Variants in MDGA2 observed in about 807,000 individuals in gnomAD.
MDGA2 encodes the protein MAM domain-containing glycosylphosphatidylinositol anchor protein 2.
Under a neutral mutation model 117.8 loss-of-function variants are expected in MDGA2, and 40 were observed. That is an observed-to-expected ratio of 0.34 (90% CI 0.26 to 0.44). MDGA2 has a LOEUF of 0.44. MDGA2 is among the 20% of genes least tolerant of loss of function. The probability of loss-of-function intolerance (pLI) is 1.00; values close to 1 mark genes in which losing one functional copy is unlikely to be tolerated. For missense variants in MDGA2, 1,123 were observed against 1,250.6 expected (o/e 0.90, Z 1.54); for synonymous variants, 452 against 439.0 (o/e 1.03, Z -0.37).
chr14:46,929,754 G>A (rs1884495735), intron 9 of MDGA2, among the ~76,000 whole-genome samples: 1 of 146,836 alleles, frequency 6.8e-6, no homozygotes. Flanking sequence ...AGATTCAAGT[G>A]ATTTTCCTAC....
chr14:47,399,699 A>AT, intron 1 of MDGA2, among the ~76,000 whole-genome samples: 1 of 152,170 alleles, frequency 6.6e-6, no homozygotes, highest in Non-Finnish European at 1.5e-5. Context: ...TCAATAATTG[A>AT]TTTTTTAAAG....
Position 47,335,745 on chromosome 14 carries a change from T to TATATATATATACATACATAC in MDGA2, c.281-34196_281-34195insGTATGTATGTATATATATAT. Reference sequence around the variant, plus strand: ...TGCACACATATATTTTATATATATATATACATACATACATACAGGATCACT... The same window carrying TATATATATATACATACATAC: ...TGCACACATATATTTTATATATATATATATATATATACATACATACATACATACATACATACAGGATCACT... On this transcript the variant is annotated intron_variant, in intron 1 of 16. Transcript: ENST00000399232. Among the ~76,000 whole-genome samples, 149 of 95,582 alleles carry TATATATATATACATACATAC rather than the reference T, an allele frequency of 1.6e-3. 4 individuals are homozygous for TATATATATATACATACATAC. Among genetic ancestry groups the TATATATATATACATACATAC allele is most frequent in the Non-Finnish European group, 2.3e-3 (106 of 46,008 alleles). 62.7% of individuals were successfully genotyped at this position (95,582 alleles called of 152,430 possible).
chr14:47,597,779 T>C (rs1896571005), intron 1 of MDGA2, among the ~76,000 whole-genome samples: 1 of 151,680 alleles, frequency 6.6e-6, no homozygotes. Flanking sequence ...TTATAGTTTA[T>C]TTTAGAGAGA....
At chr14:47,315,961 C>A (rs762722404) in intron 1 of MDGA2, among the ~76,000 whole-genome samples, 1 of 151,138 alleles carries the variant, frequency 6.6e-6, no homozygotes, top group Non-Finnish European at 1.5e-5. Flanking sequence ...ACAAAAAAAA[C>A]TTTCCTCTAG....
intron 2 of MDGA2, among the ~76,000 whole-genome samples, chr14:47,262,735 C>T (rs1887838219): frequency 6.6e-6 from 1 of 152,144 alleles, no homozygotes; most frequent in Admixed American, 6.6e-5. Context: ...AATATTTGGC[C>T]TGACAGGCCC....
At chr14:47,004,498 C>A (rs1373792189) in intron 8 of MDGA2, among the ~76,000 whole-genome samples, 1 of 151,738 alleles carries the variant, frequency 6.6e-6, no homozygotes, top group Non-Finnish European at 1.5e-5. Flanking sequence ...GTGTTAGTCA[C>A]CCAACTTTGT....
intron 1 of MDGA2, among the ~76,000 whole-genome samples, chr14:47,625,570 G>T (rs1897125389): frequency 6.6e-6 from 1 of 151,992 alleles, no homozygotes; most frequent in Admixed American, 6.6e-5. Context: ...AATAAAACTG[G>T]CAAATAAAAA....
chr14:46,937,786 ATATAAAAATT>A (rs1378485813), intron 9 of MDGA2, among the ~76,000 whole-genome samples: 1 of 152,172 alleles, frequency 6.6e-6, no homozygotes, highest in African/African-American at 2.4e-5. Context: ...CTCTTACTCT[ATATAAAAATT>A]AATTCCAAAC....
intron 6 of MDGA2, among the ~76,000 whole-genome samples, chr14:47,070,275 C>T (rs1230007208): frequency 2.0e-5 from 3 of 152,090 alleles, no homozygotes; most frequent in Admixed American, 6.5e-5. Flanking sequence ...TTATTTTTTA[C>T]TATAGGCCCC....
chr14:47,332,199 C>T (rs929207978), intron 1 of MDGA2, among the ~76,000 whole-genome samples: 6 of 151,974 alleles, frequency 3.9e-5, no homozygotes, highest in African/African-American at 1.4e-4. Flanking sequence ...ATTGTCTCAG[C>T]TTTCTCAGCT....
chr14:47,585,507 CA>C lies in MDGA2; in HGVS notation c.280+89009del, dbSNP rs567234129. ...TAAGGATTAAATGAGAATACAAACA[CA>C]GGGCTTATAAGAAAGTATGGCGTAC... is the stretch of plus-strand genomic sequence containing the variant. On this transcript the variant is annotated intron_variant, in intron 1 of 16. Coordinates refer to ENST00000399232, the MANE Select transcript of MDGA2 (RefSeq NM_001113498.3). Among the ~76,000 whole-genome samples the C allele has an allele frequency of 9.3e-4, 142 of 151,932 alleles. 1 individual carries two copies. Among genetic ancestry groups the C allele is most frequent in the Non-Finnish European group, 1.0e-3 (69 of 67,876 alleles).
In MDGA2 at chr14:46,925,631, CAAAAA is replaced by C. The variant is rs34889177; in HGVS notation, c.2090-5476_2090-5472del. On this transcript the variant is annotated intron_variant, in intron 9 of 16. Coordinates refer to ENST00000399232, the MANE Select transcript of MDGA2 (RefSeq NM_001113498.3). ...TGGAAGACAAAGCAAGACTCTACCT[CAAAAA>C]AAAAAAAAAAAAAAAAGGAAATAGA... Among the ~76,000 whole-genome samples, 123 of 64,600 alleles carry C rather than the reference CAAAAA, an allele frequency of 1.9e-3. 1 individual carries two copies. Among genetic ancestry groups the C allele is most frequent in the African/African-American group, 6.9e-3 (117 of 16,966 alleles). 42.4% of individuals were successfully genotyped at this position (64,600 alleles called of 152,430 possible).
chr14:47,407,167 G>C (rs542380215), intron 1 of MDGA2, among the ~76,000 whole-genome samples: 1 of 152,050 alleles, frequency 6.6e-6, no homozygotes, highest in Non-Finnish European at 1.5e-5. Flanking sequence ...GTGCATTATA[G>C]GCTAAAACCT....
At chr14:46,842,492 G>C (rs1178110688) in intron 16 of MDGA2, among the ~76,000 whole-genome samples, 2 of 152,114 alleles carry the variant, frequency 1.3e-5, no homozygotes, top group African/African-American at 4.8e-5. Flanking sequence ...GCAACTAGTA[G>C]ATGATCCATG....
At chr14:47,155,350 GGAT>G (rs901283004) in intron 3 of MDGA2, among the ~76,000 whole-genome samples, 3 of 151,936 alleles carry the variant, frequency 2.0e-5, no homozygotes, top group Non-Finnish European at 4.4e-5. Flanking sequence ...GCCACATTGC[GGAT>G]GATGAGAAGA....
At chr14:47,051,218 C>T (rs75445453) in intron 7 of MDGA2, among the ~76,000 whole-genome samples, 2,911 of 151,422 alleles carry the variant, frequency 0.019, 97 homozygotes, top group African/African-American at 0.066. Flanking sequence ...GGTCTATTTC[C>T]TTCTCTATAA....
At chr14:47,175,068 C>G (rs541328405) in intron 3 of MDGA2, among the ~76,000 whole-genome samples, 179 of 151,814 alleles carry the variant, frequency 1.2e-3, no homozygotes, top group African/African-American at 3.8e-3. Context: ...ATAAATTCCT[C>G]GACACATACA....
chr14:47,540,540 G>GTGTGTA lies in MDGA2; in HGVS notation c.280+133976_280+133977insTACACA. On this transcript the variant is annotated intron_variant, in intron 1 of 16. Coordinates refer to ENST00000399232, the MANE Select transcript of MDGA2 (RefSeq NM_001113498.3). The stretch of plus-strand genomic sequence containing the variant: ...TGTATATGTGTGTGTGTGTGTGTGT[G>GTGTGTA]TATATATATATATGTATATATATAC... Among the ~76,000 whole-genome samples, 3,046 of 79,126 alleles carry GTGTGTA rather than the reference G, an allele frequency of 0.038. 356 individuals carry two copies. The East Asian group carries it at 0.48, about 12-fold the overall frequency. 51.9% of individuals were successfully genotyped at this position (79,126 alleles called of 152,430 possible). A position where few individuals can be genotyped will look rare whatever the true frequency, so the allele number is the denominator to read the frequency against.
intron 10 of MDGA2, among the ~76,000 whole-genome samples, chr14:46,906,227 G>A (rs994882363): frequency 2.6e-5 from 4 of 151,648 alleles, no homozygotes; most frequent in Non-Finnish European, 5.9e-5. Flanking sequence ...TCTGTACAAT[G>A]TATACCCCCA....
Sources: allele counts gnomAD v4.1 joint callset (sites outside exome capture counted in the v4.1 genomes callset), GRCh38; gene constraint gnomAD v4.1.1; transcripts MANE v1.5; gene names NCBI Gene and HGNC (gene_info 2026-07-23, HGNC 2026-07-21).